UGT2A2: variants seen among roughly 807,000 people sequenced by gnomAD.
The protein encoded by UGT2A2 is UDP glucuronosyltransferase family 2 member A2.
UGT2A2 carries 60 observed loss-of-function variants against 50.7 expected under a neutral mutation model. The ratio of observed to expected loss-of-function variants is 1.18; its 90% CI spans 0.96 to 1.47. UGT2A2 has a LOEUF of 1.47. Ranked by LOEUF, UGT2A2 falls within the 40% of genes most tolerant of loss-of-function variation. The pLI, the probability that UGT2A2 is intolerant of heterozygous loss-of-function variation, is 0.00. For missense variants in UGT2A2, 762 were observed against 634.0 expected (o/e 1.20, Z -2.17); for synonymous variants, 242 against 214.6 (o/e 1.13, Z -1.11).
At chr4:69,635,085 A>G (rs1350888046) in intron 1 of UGT2A2, among the ~76,000 whole-genome samples, 1 of 152,184 alleles carries the variant, frequency 6.6e-6, no homozygotes, top group African/African-American at 2.4e-5. Context: ...CCCCCTAAAT[A>G]TATACTACTA....
chr4:69,591,392 T>A (rs145710770), intron 5 of UGT2A2, among the ~76,000 whole-genome samples: 4 of 152,300 alleles, frequency 2.6e-5, no homozygotes, highest in African/African-American at 9.6e-5. Context: ...AAACATATTC[T>A]GGTTGACAAT....
chr4:69,637,953 AG>A (rs1421091152), intron 1 of UGT2A2, among the ~76,000 whole-genome samples: 1 of 151,358 alleles, frequency 6.6e-6, no homozygotes, highest in African/African-American at 2.4e-5. Context: ...GAAAGAAGGA[AG>A]GAAAAAAAGG....
intron 1 of UGT2A2, among the ~76,000 whole-genome samples, chr4:69,632,692 T>G (rs992940202): frequency 6.6e-6 from 1 of 151,936 alleles, no homozygotes; most frequent in African/African-American, 2.4e-5. Context: ...GTTTGAGACC[T>G]GCCTGGCCAA....
chr4:69,631,300 G>C (rs145499895), intron 1 of UGT2A2, among the ~76,000 whole-genome samples: 11 of 115,156 alleles, frequency 9.6e-5, no homozygotes, highest in African/African-American at 3.1e-4. Context: ...TTGTCAAAGA[G>C]AGAGTTACTT....
intron 1 of UGT2A2, among the ~76,000 whole-genome samples, chr4:69,611,669 G>T (rs1236751161): frequency 1.3e-5 from 2 of 152,076 alleles, no homozygotes; most frequent in Non-Finnish European, 2.9e-5. Context: ...ATTAGGCTGG[G>T]TTAAATATAA....
chr4:69,632,321 T>G (rs1008525384), intron 1 of UGT2A2, among the ~76,000 whole-genome samples: 2 of 152,130 alleles, frequency 1.3e-5, no homozygotes, highest in Non-Finnish European at 2.9e-5. Flanking sequence ...GGGTCTGCAT[T>G]AAAGATAAGG....
rs749737824 is a variant in UGT2A2 at position 69,599,323 on chromosome 4, CA to C, written c.813del (p.Phe271LeufsTer84). On this transcript the variant is annotated frameshift_variant, in exon 2 of 6. Transcript: ENST00000604629. LOFTEE classifies it high-confidence loss of function. ...EIWLIRTYWD[F>X]EFPRPYLPNF... is the part of the protein sequence containing the mutation. ...TTAGGTAAGTATGGACGAGGAAATT[CA>C]AAATCCCAATATGTTCGGATTAACC... 1 of 1,613,812 alleles carries C rather than the reference CA, an allele frequency of 6.2e-7. No individual in the cohort carries two copies. The highest frequency in any genetic ancestry group is 1.3e-5 in the African/African-American group (1 of 75,012).
intron 1 of UGT2A2, among the ~76,000 whole-genome samples, chr4:69,617,408 GATATA>G (rs930454206): frequency 8.6e-5 from 13 of 151,774 alleles, no homozygotes; most frequent in African/African-American, 2.7e-4. Flanking sequence ...TTTATACAAA[GATATA>G]ATATATATGT....
Position 69,627,509 on chromosome 4 carries a change from A to AAAAGAAAGAAAGAAG in UGT2A2, c.742+11375_742+11389dup, listed in dbSNP as rs1721134909. Among the ~76,000 whole-genome samples the AAAAGAAAGAAAGAAG allele has an allele frequency of 1.3e-5, 2 of 149,554 alleles. 1 individual carries two copies. Among genetic ancestry groups the AAAAGAAAGAAAGAAG allele is most frequent in the East Asian group, 3.9e-4 (2 of 5,096 alleles). ...GCAGGCATGCAGGAAGGAAGGAAGG[A>AAAAGAAAGAAAGAAG]AAAGAAAGAAAGAAGAAAGAAAGAA... On this transcript the variant is annotated intron_variant, in intron 1 of 5. Coordinates refer to ENST00000604629, the MANE Select transcript of UGT2A2 (RefSeq NM_001105677.2).
chr4:69,620,681 C>T (rs1720699503), intron 1 of UGT2A2, among the ~76,000 whole-genome samples: 1 of 148,878 alleles, frequency 6.7e-6, no homozygotes, highest in African/African-American at 2.5e-5. Context: ...CCACAAAAGC[C>T]AAGGCAATGC....
chr4:69,604,661 G>A (rs879305242), intron 1 of UGT2A2, among the ~76,000 whole-genome samples: 1 of 136,694 alleles, frequency 7.3e-6, no homozygotes, highest in Admixed American at 7.2e-5. Flanking sequence ...TCAGTGTGCT[G>A]TATTCAGGAA....
chr4:69,616,833 C>CCT (rs1187088420), intron 1 of UGT2A2, among the ~76,000 whole-genome samples: 27 of 127,274 alleles, frequency 2.1e-4, no homozygotes, highest in African/African-American at 7.5e-4. Context: ...ATTTTCTTTT[C>CCT]TTTTTTTTTT....
rs189787 is a variant in UGT2A2, at chr4:69,627,970, C to T, written c.742+10929G>A. The stretch of plus-strand genomic sequence containing the variant: ...TATTCACTTCCATTCCACAGATTGC[C>T]TTTTAAGTTTGTTGATTGTCTCTTT... On this transcript the variant is annotated intron_variant, in intron 1 of 5. Coordinates refer to ENST00000604629, the MANE Select transcript of UGT2A2 (RefSeq NM_001105677.2). Among the ~76,000 whole-genome samples, 112 of 151,880 alleles carry T rather than the reference C, an allele frequency of 7.4e-4. 1 individual carries two copies. The highest frequency in any genetic ancestry group is 2.4e-3 in the African/African-American group (101 of 41,482).
At chr4:69,593,988 T>A (rs1370034158) in intron 5 of UGT2A2, among the ~76,000 whole-genome samples, 1 of 149,654 alleles carries the variant, frequency 6.7e-6, no homozygotes, top group Non-Finnish European at 1.5e-5. Flanking sequence ...TTTGTTTTTT[T>A]TTTTGAGACT....
intron 1 of UGT2A2, among the ~76,000 whole-genome samples, chr4:69,625,736 G>A (rs959946580): frequency 1.1e-4 from 16 of 151,268 alleles, no homozygotes; most frequent in East Asian, 5.8e-4. Flanking sequence ...GAAATACAGA[G>A]CAACTGCTAA....
At chr4:69,603,629 A>G (rs1197257534) in intron 1 of UGT2A2, 2 of 136,658 alleles carry the variant, frequency 1.5e-5, no homozygotes, top group Non-Finnish European at 3.1e-5. Context: ...GAGCTACAGG[A>G]AGAAGTTCAA....
intron 1 of UGT2A2, among the ~76,000 whole-genome samples, chr4:69,632,027 C>A (rs1721417145): frequency 6.6e-6 from 1 of 152,058 alleles, no homozygotes; most frequent in African/African-American, 2.4e-5. Context: ...ATTAGTTTTT[C>A]TTTATTCCTA....
chr4:69,635,842 A>AAAAAAAAAAAAAAAAAAAAAAAAAG (rs1721664747), intron 1 of UGT2A2: 1 of 144,130 alleles, frequency 6.9e-6, no homozygotes, highest in African/African-American at 2.8e-5. Flanking sequence ...AAAAAAAAAA[A>AAAAAAAAAAAAAAAAAAAAAAAAAG]AAAAAAAAGA....
chr4:69,599,336 T>A lies in UGT2A2; in HGVS notation c.801A>T (p.Thr267=). 1.2e-6 allele frequency: 2 copies of A among 1,613,796 alleles called. No homozygotes were observed. Among genetic ancestry groups the A allele is most frequent in the Non-Finnish European group, 1.7e-6 (2 of 1,179,904 alleles). Residue 267 remains threonine, a synonymous_variant, in exon 2 of 6, where the codon ACA becomes ACT. Coordinates refer to ENST00000604629, the MANE Select transcript of UGT2A2 (RefSeq NM_001105677.2). ...GACGAGGAAATTCAAAATCCCAATA[T>A]GTTCGGATTAACCAAATTTCAGCTT... ...MGKAEIWLIR[T]YWDFEFPRPY... is the part of the protein sequence containing the mutation.
Sources: allele counts gnomAD v4.1 joint callset (sites outside exome capture counted in the v4.1 genomes callset), GRCh38; gene constraint gnomAD v4.1.1; transcripts MANE v1.5; gene names NCBI Gene and HGNC (gene_info 2026-07-23, HGNC 2026-07-21).